Variants in KCNJ15 observed in about 807,000 individuals in gnomAD.
The protein encoded by KCNJ15 is potassium inwardly rectifying channel subfamily J member 15.
A neutral mutation model predicts 23.0 loss-of-function variants in KCNJ15; 14 were observed. That is an observed-to-expected ratio of 0.61 (90% CI 0.40 to 0.95). KCNJ15 has a LOEUF of 0.95. Among genes scored for constraint, KCNJ15 ranks in the 40% least tolerant of loss-of-function variants. KCNJ15 has a pLI of 0.00. For synonymous variants in KCNJ15, 185 were observed against 183.2 expected, an observed-to-expected ratio of 1.01 and a Z score of -0.08; for missense variants, 388 against 461.8, an observed-to-expected ratio of 0.84 and a Z score of 1.46.
rs1249950134 is a variant in KCNJ15 at position 38,301,556 on chromosome 21, A to C, written c.*1167A>C. On this transcript the variant is annotated 3_prime_UTR_variant, in exon 3 of 3. Coordinates refer to ENST00000398938, the MANE Select transcript of KCNJ15 (RefSeq NM_170736.3). ...AAGAAAAATTCAGCTGCCTGACAATACAGGAAATGTTCTCAGATGCTGATG... is the reference window on the plus strand; with the variant it reads ...AAGAAAAATTCAGCTGCCTGACAATCCAGGAAATGTTCTCAGATGCTGATG... The C allele has an allele frequency of 6.0e-6, 1 of 167,090 alleles. No individual in the cohort carries two copies. The highest frequency in any genetic ancestry group is 1.9e-4 in the East Asian group (1 of 5,198). 10.4% of individuals were successfully genotyped at this position (167,090 alleles called of 1,614,324 possible).
intron 1 of KCNJ15, among the ~76,000 whole-genome samples, chr21:38,286,105 T>A (rs1983865440): frequency 6.6e-6 from 1 of 152,072 alleles, no homozygotes; most frequent in African/African-American, 2.4e-5. Context: ...TAGCTGGGCG[T>A]GGTGGCGGGT....
intron 1 of KCNJ15, among the ~76,000 whole-genome samples, chr21:38,274,042 TGTG>T (rs1250297110): frequency 3.3e-5 from 5 of 152,262 alleles, no homozygotes; most frequent in Middle Eastern, 3.2e-3. Flanking sequence ...ATGTTTCTAA[TGTG>T]GTATTTGTAA....
intron 1 of KCNJ15, among the ~76,000 whole-genome samples, chr21:38,265,081 A>G (rs1486945149): frequency 6.6e-6 from 1 of 152,236 alleles, no homozygotes; most frequent in Non-Finnish European, 1.5e-5. Flanking sequence ...AATGCAGAAA[A>G]CAACAAAATT....
chr21:38,275,081 C>G (rs1381664286), intron 1 of KCNJ15, among the ~76,000 whole-genome samples: 2 of 152,164 alleles, frequency 1.3e-5, no homozygotes, highest in Non-Finnish European at 2.9e-5. Flanking sequence ...GCAGCAAACT[C>G]CAGAGTCCTT....
intron 1 of KCNJ15, among the ~76,000 whole-genome samples, chr21:38,240,616 T>G (rs1175906949): frequency 6.6e-6 from 1 of 152,224 alleles, no homozygotes; most frequent in African/African-American, 2.4e-5. Flanking sequence ...TTAATTTTTA[T>G]GGAGTCTAAG....
intron 1 of KCNJ15, among the ~76,000 whole-genome samples, chr21:38,236,416 G>C (rs546653521): frequency 1.3e-5 from 2 of 152,132 alleles, no homozygotes; most frequent in Admixed American, 6.5e-5. Context: ...AGGGGGTAGG[G>C]GAGGAAGCCT....
At chr21:38,254,921 C>T (rs529279668), upstream of KCNJ15, among the ~76,000 whole-genome samples, 41 of 152,160 alleles carry the variant, frequency 2.7e-4, no homozygotes, top group Admixed American at 8.5e-4. Context: ...AATTAAAGTT[C>T]CACGGTAACA....
chr21:38,234,354 G>A (rs1398903811), intron 1 of KCNJ15, among the ~76,000 whole-genome samples: 1 of 152,150 alleles, frequency 6.6e-6, no homozygotes, highest in African/African-American at 2.4e-5. Flanking sequence ...GTGGCCTAGG[G>A]AAGCCAAAAG....
chr21:38,267,808 C>G (rs1316162889), intron 1 of KCNJ15, among the ~76,000 whole-genome samples: 1 of 152,216 alleles, frequency 6.6e-6, no homozygotes, highest in African/African-American at 2.4e-5. Flanking sequence ...GTTAATGTTT[C>G]TCATGCTCTT....
chr21:38,298,609 C>G (rs1433609158), intron 2 of KCNJ15, among the ~76,000 whole-genome samples: 1 of 152,152 alleles, frequency 6.6e-6, no homozygotes, highest in African/African-American at 2.4e-5. Context: ...AAACGAATTG[C>G]TATTACAAAG....
rs71184612 is a variant in KCNJ15 at position 38,288,030 on chromosome 21, G to GTTTTTTT, written c.-116-8874_-116-8868dup. ...TGTTAAATAACTTGTTTTTTTCTTT[G>GTTTTTTT]TTTTTTTTTTTTTTTTTTTTTTTTT... On this transcript the variant is annotated intron_variant, in intron 1 of 2. Coordinates refer to ENST00000398938, the MANE Select transcript of KCNJ15 (RefSeq NM_170736.3). Among the ~76,000 whole-genome samples, 180 of 81,436 alleles carry GTTTTTTT rather than the reference G, an allele frequency of 2.2e-3. 4 individuals carry two copies. Among genetic ancestry groups the GTTTTTTT allele is most frequent in the Middle Eastern group, 0.01 (1 of 98 alleles). 53.4% of individuals were successfully genotyped at this position (81,436 alleles called of 152,430 possible).
chr21:38,234,034 C>G (rs954517338), intron 1 of KCNJ15, among the ~76,000 whole-genome samples: 1 of 152,140 alleles, frequency 6.6e-6, no homozygotes, highest in Non-Finnish European at 1.5e-5. Context: ...CCTGTGCATT[C>G]AGGTTACCAA....
At chr21:38,241,895 G>A (rs1979025299) in intron 1 of KCNJ15, among the ~76,000 whole-genome samples, 1 of 151,580 alleles carries the variant, frequency 6.6e-6, no homozygotes, top group African/African-American at 2.4e-5. Context: ...CTTGAACCAG[G>A]GAGGTGGAAG....
At chr21:38,261,369 G>A (rs1313687932) in intron 1 of KCNJ15, among the ~76,000 whole-genome samples, 9 of 152,198 alleles carry the variant, frequency 5.9e-5, no homozygotes, top group Non-Finnish European at 2.9e-5. Context: ...CCCTGAAGCT[G>A]AAGTTTCATT....
chr21:38,268,640 A>C (rs1269856439), intron 1 of KCNJ15, among the ~76,000 whole-genome samples: 2 of 150,762 alleles, frequency 1.3e-5, no homozygotes, highest in Non-Finnish European at 3.0e-5. Flanking sequence ...GACAAATGGA[A>C]GGTCATTCTA....
chr21:38,257,414 G>T (rs541546329), intron 1 of KCNJ15, among the ~76,000 whole-genome samples: 1 of 152,282 alleles, frequency 6.6e-6, no homozygotes, highest in African/African-American at 2.4e-5. Context: ...ATTCTTGCTC[G>T]TGAAACAATA....
At chr21:38,298,921 T>C (rs1985450576) in intron 2 of KCNJ15, among the ~76,000 whole-genome samples, 1 of 151,850 alleles carries the variant, frequency 6.6e-6, no homozygotes, top group African/African-American at 2.4e-5. Context: ...TGTTTAATAG[T>C]AACAAAACCC....
intron 1 of KCNJ15, among the ~76,000 whole-genome samples, chr21:38,232,458 A>AT (rs1303422398): frequency 1.3e-5 from 2 of 151,552 alleles, no homozygotes; most frequent in African/African-American, 2.4e-5. Flanking sequence ...TTAGTGCTCT[A>AT]TTTTTTATGT....
rs1395005811 is a variant in KCNJ15 at position 38,288,018 on chromosome 21, G to GTTTTTTT, written c.-116-8907_-116-8901dup. Among the ~76,000 whole-genome samples, 23 of 25,982 alleles carry GTTTTTTT rather than the reference G, an allele frequency of 8.9e-4. 1 individual carries two copies. The highest frequency in any genetic ancestry group is 1.7e-3 in the Non-Finnish European group (17 of 9,748). The allele number at this position is 25,982 out of a possible 152,430, so 17.0% of individuals were successfully genotyped here. A position where few individuals can be genotyped will look rare whatever the true frequency, so the allele number is the denominator to read the frequency against. On this transcript the variant is annotated intron_variant, in intron 1 of 2. Coordinates refer to ENST00000398938, the MANE Select transcript of KCNJ15 (RefSeq NM_170736.3). ...CATTTGTCCCATTGTTAAATAACTT[G>GTTTTTTT]TTTTTTTCTTTGTTTTTTTTTTTTT...
Sources: allele counts gnomAD v4.1 joint callset (sites outside exome capture counted in the v4.1 genomes callset), GRCh38; gene constraint gnomAD v4.1.1; transcripts MANE v1.5; gene names NCBI Gene and HGNC (gene_info 2026-07-23, HGNC 2026-07-21).